Variants in GARRE1 observed in about 807,000 individuals in gnomAD.
GARRE1 encodes granule associated Rac and RHOG effector 1, also known as granule associated Rac and RHOG effector protein 1.
In GARRE1, 49 loss-of-function variants were observed where a neutral mutation model predicts 103.2. The observed-to-expected ratio is 0.47, with a 90% CI of 0.38 to 0.60. The LOEUF (loss-of-function observed/expected upper bound fraction) is 0.60. Ranked by LOEUF, GARRE1 falls within the 20% of genes least tolerant of loss-of-function variation. GARRE1 has a pLI of 0.00. For synonymous variants in GARRE1, 505 were observed against 532.8 expected (o/e 0.95, Z 0.72); for missense variants, 1,199 against 1,370.5 (o/e 0.87, Z 1.98).
intron 1 of GARRE1, among the ~76,000 whole-genome samples, chr19:34,277,508 G>A (rs1031675560): frequency 2.6e-5 from 4 of 152,148 alleles, no homozygotes; most frequent in East Asian, 1.9e-4. Flanking sequence ...TAAGTAATTC[G>A]CTAGATATAG....
chr19:34,335,270 A>G (rs2145274146), intron 8 of GARRE1, among the ~76,000 whole-genome samples: 1 of 152,344 alleles, frequency 6.6e-6, no homozygotes, highest in South Asian at 2.1e-4. Context: ...TTTCACCTCT[A>G]GAAATTTATC....
Position 34,354,186 on chromosome 19 carries a change from T to C in GARRE1, c.*1231T>C, listed in dbSNP as rs976625946. On this transcript the variant is annotated 3_prime_UTR_variant, in exon 14 of 14. Coordinates refer to ENST00000299505, the MANE Select transcript of GARRE1 (RefSeq NM_014686.5). ...AAGTCTGAGAAAAATCCATAATATT[T>C]TCTGGTATGAAAGTTTGACAGTATT... 2.6e-5 allele frequency: 4 copies of C among 152,478 alleles called. No homozygotes were observed. Among genetic ancestry groups the C allele is most frequent in the Non-Finnish European group, 5.9e-5 (4 of 68,028 alleles). The allele number at this position is 152,478 out of a possible 1,614,324, so 9.4% of individuals were successfully genotyped here. A position where few individuals can be genotyped will look rare whatever the true frequency, so the allele number is the denominator to read the frequency against.
At chr19:34,336,057 C>T (rs2074159716) in intron 8 of GARRE1, among the ~76,000 whole-genome samples, 1 of 152,034 alleles carries the variant, frequency 6.6e-6, no homozygotes, top group Non-Finnish European at 1.5e-5. Context: ...GTGGTGTGGT[C>T]ATGGCTTACT....
At chr19:34,293,034 A>G (rs2073926818) in intron 1 of GARRE1, among the ~76,000 whole-genome samples, 1 of 152,164 alleles carries the variant, frequency 6.6e-6, no homozygotes, top group African/African-American at 2.4e-5. Flanking sequence ...TATGCAATGT[A>G]TGAGTGTTTT....
intron 1 of GARRE1, among the ~76,000 whole-genome samples, chr19:34,267,020 T>C (rs1287874217): frequency 6.6e-6 from 1 of 152,078 alleles, no homozygotes; most frequent in East Asian, 1.9e-4. Context: ...TCCCAGCACT[T>C]TGAAGGGCCG....
chr19:34,347,592 A>G (rs1283824122), intron 10 of GARRE1, among the ~76,000 whole-genome samples: 3 of 151,960 alleles, frequency 2.0e-5, no homozygotes, highest in Non-Finnish European at 4.4e-5. Flanking sequence ...AAATCAAACC[A>G]TTTTTCTCTC....
chr19:34,327,619 T>A, intron 4 of GARRE1, 58 bp downstream of exon 4: 1 of 1,587,426 alleles, frequency 6.3e-7, no homozygotes, highest in Non-Finnish European at 8.6e-7. Flanking sequence ...GGGAGGGAGT[T>A]AAAGTTGTGA....
chr19:34,296,457 A>C, intron 1 of GARRE1: 1 of 1,592,310 alleles, frequency 6.3e-7, no homozygotes. Context: ...AATGTAGGCA[A>C]GTCGATCGAG....
At chr19:34,283,585 A>G (rs1190511032) in intron 1 of GARRE1, among the ~76,000 whole-genome samples, 1 of 152,194 alleles carries the variant, frequency 6.6e-6, no homozygotes, top group Non-Finnish European at 1.5e-5. Flanking sequence ...TTTATAGATG[A>G]TGAGACAGGC....
intron 1 of GARRE1, among the ~76,000 whole-genome samples, chr19:34,267,509 A>G (rs2073759607): frequency 6.6e-6 from 1 of 151,836 alleles, no homozygotes; most frequent in South Asian, 2.1e-4. Flanking sequence ...CCCAGCCAAG[A>G]CCCTGTCTTT....
chr19:34,270,417 A>G (rs996720751), intron 1 of GARRE1, among the ~76,000 whole-genome samples: 1 of 152,180 alleles, frequency 6.6e-6, no homozygotes, highest in African/African-American at 2.4e-5. Context: ...AGCAGTAACA[A>G]TGTGGGTGGA....
In GARRE1 at chr19:34,354,010, A is replaced by G. The variant is rs559214889; in HGVS notation, c.*1055A>G. The G allele has an allele frequency of 2.0e-5, 3 of 152,782 alleles. No homozygotes were observed. Among genetic ancestry groups the G allele is most frequent in the South Asian group, 4.1e-4 (2 of 4,834 alleles). 9.5% of individuals were successfully genotyped at this position (152,782 alleles called of 1,614,324 possible). ...GATTTAGGGATATTTTCCAGCCAGA[A>G]TGGATCCAGAAGAATTGAATGGTGC... On this transcript the variant is annotated 3_prime_UTR_variant, in exon 14 of 14. Coordinates refer to ENST00000299505, the MANE Select transcript of GARRE1 (RefSeq NM_014686.5).
chr19:34,304,821 T>C (rs964722678), intron 2 of GARRE1, among the ~76,000 whole-genome samples: 3 of 152,004 alleles, frequency 2.0e-5, no homozygotes, highest in Non-Finnish European at 4.4e-5. Context: ...AGACAGAGTC[T>C]TGCTCTGTCG....
Position 34,352,850 on chromosome 19 carries a change from C to T in GARRE1, c.3108C>T (p.Thr1036=). The change falls in exon 14 of 14, where the codon ACC becomes ACT. Residue 1036 remains threonine, a synonymous_variant. Transcript: ENST00000299505. ...CSAAAFSYVQ[T]PPQPPPPPAH... ...CCGCTGCCTTCTCCTATGTGCAGAC[C>T]CCACCCCAGCCCCCACCCCCACCAG... 1 of 1,542,218 alleles carries T rather than the reference C, an allele frequency of 6.5e-7. No individual in the cohort carries two copies. Among genetic ancestry groups the T allele is most frequent in the Non-Finnish European group, 8.9e-7 (1 of 1,123,426 alleles).
chr19:34,353,378 C>T lies in GARRE1; in HGVS notation c.*423C>T. The T allele has an allele frequency of 5.1e-6, 1 of 196,744 alleles. No homozygotes were observed. The highest frequency in any genetic ancestry group is 1.2e-4 in the East Asian group (1 of 8,382). 12.2% of individuals were successfully genotyped at this position (196,744 alleles called of 1,614,324 possible). On this transcript the variant is annotated 3_prime_UTR_variant, in exon 14 of 14. Coordinates refer to ENST00000299505, the MANE Select transcript of GARRE1 (RefSeq NM_014686.5). Reference sequence around the variant, plus strand: ...TTTTGGAAACCCTCTCCTCCCTCCTCCACACCTTGAGTGATGACCACACCA... The same window carrying T: ...TTTTGGAAACCCTCTCCTCCCTCCTTCACACCTTGAGTGATGACCACACCA...
chr19:34,271,054 T>C (rs192403832), intron 1 of GARRE1, among the ~76,000 whole-genome samples: 1 of 152,270 alleles, frequency 6.6e-6, no homozygotes, highest in African/African-American at 2.4e-5. Context: ...AACCACTGTG[T>C]TAAAGAATTG....
chr19:34,308,238 C>CTTTTTT (rs753284001), intron 2 of GARRE1, among the ~76,000 whole-genome samples: 33 of 99,454 alleles, frequency 3.3e-4, no homozygotes, highest in South Asian at 6.5e-4. Flanking sequence ...CATCCTGTTC[C>CTTTTTT]TTTTTTTTTT....
intron 2 of GARRE1, among the ~76,000 whole-genome samples, chr19:34,302,249 C>T (rs2073983578): frequency 6.6e-6 from 1 of 150,816 alleles, no homozygotes; most frequent in African/African-American, 2.4e-5. Context: ...GCCTCAGCCT[C>T]CCAAAGTGCT....
chr19:34,277,713 C>T (rs1222646552), intron 1 of GARRE1, among the ~76,000 whole-genome samples: 2 of 152,010 alleles, frequency 1.3e-5, no homozygotes, highest in African/African-American at 4.8e-5. Context: ...CAAGTTTCAC[C>T]AAATCATTTT....
Sources: allele counts gnomAD v4.1 joint callset (sites outside exome capture counted in the v4.1 genomes callset), GRCh38; gene constraint gnomAD v4.1.1; transcripts MANE v1.5; gene names NCBI Gene and HGNC (gene_info 2026-07-23, HGNC 2026-07-21).